RGL4: variants seen among roughly 807,000 people sequenced by gnomAD.
The protein encoded by RGL4 is ral guanine nucleotide dissociation stimulator like 4, also known as ral-GDS-related protein.
A neutral mutation model predicts 49.6 loss-of-function variants in RGL4; 41 were observed. The ratio of observed to expected loss-of-function variants is 0.83; its 90% confidence interval spans 0.64 to 1.07. The LOEUF (loss-of-function observed/expected upper bound fraction) is 1.07. Ranked by LOEUF, RGL4 falls within the 50% of genes least tolerant of loss-of-function variation. The probability of loss-of-function intolerance (pLI) is 0.00; values close to 1 mark genes in which losing one functional copy is unlikely to be tolerated. For synonymous variants in RGL4, 255 were observed against 238.0 expected, an observed-to-expected ratio of 1.07 and a Z score of -0.66; for missense variants, 610 against 591.9, an observed-to-expected ratio of 1.03 and a Z score of -0.32.
Position 23,692,441 on chromosome 22 carries a change from T to TCCTGG in RGL4, c.292_296dup (p.Gly101AspfsTer12). 6.2e-7 allele frequency: 1 copy of TCCTGG among 1,614,188 alleles called. No homozygotes were observed. ...GATAAAGCTGGCCTTCAGGAACCTC[T>TCCTGG]CCTGGCCTGGACTGGGCTTGGAGGA... is the stretch of plus-strand genomic sequence containing the variant. On this transcript the variant is annotated frameshift_variant, in exon 2 of 11. Coordinates refer to ENST00000290691, the MANE Select transcript of RGL4 (RefSeq NM_153615.2). LOFTEE classifies it high-confidence loss of function.
chr22:23,695,879 A>G (rs1424711126), intron 6 of RGL4, among the ~76,000 whole-genome samples: 1 of 152,176 alleles, frequency 6.6e-6, no homozygotes, highest in African/African-American at 2.4e-5. Context: ...CAGTGGAGAA[A>G]GAGAGAGTTC....
At chr22:23,698,180 G>A (rs374372602) in intron 9 of RGL4, 32 bp from the exon 10 acceptor site, 197 of 1,587,776 alleles carry the variant, frequency 1.2e-4, no homozygotes, top group Non-Finnish European at 1.6e-4. Context: ...CTTCCACCCA[G>A]GCCCTGTCAG....
Position 23,692,689 on chromosome 22 carries a change from C to T in RGL4, c.394C>T (p.Gln132Ter), listed in dbSNP as rs777006078. The T allele has an allele frequency of 3.7e-6, 6 of 1,607,414 alleles. No homozygotes were observed. In the South Asian group the frequency reaches 6.6e-5, roughly 18 times the overall value. The change falls in exon 3 of 11, where the codon CAA becomes TAA. Residue 132 changes from glutamine (Q) to a stop codon, truncating the protein, a stop_gained. Transcript: ENST00000290691. LOFTEE classifies it high-confidence loss of function. ...KPDDPAPRPG[Q>*]HALTMPALEP... ...TCCAGATCCTGCTCCACGTCCTGGG[C>T]AACACGCATTAACAATGCCGGCCCT... is the stretch of plus-strand genomic sequence containing the variant.
Position 23,692,747 on chromosome 22 carries a change from G to A in RGL4, c.452G>A (p.Gly151Glu), listed in dbSNP as rs1280439511. 6 of 1,613,354 alleles carry A rather than the reference G, an allele frequency of 3.7e-6. No individual in the cohort carries two copies. In the South Asian group the frequency reaches 6.6e-5, roughly 18 times the overall value. Residue 151 changes from glycine to glutamate, a missense_variant, in exon 3 of 11, where the codon GGG (glycine) becomes GAG (glutamate). By Grantham distance (98) the Gly-to-Glu change is moderately conservative (BLOSUM62 -2). Coordinates refer to ENST00000290691, the MANE Select transcript of RGL4 (RefSeq NM_153615.2). ...GCACCACCACTGCTGGCGGACCTGG[G>A]GCCTGCTCTGGAGCCAGAGTCACCT... ...EPAPPLLADL[G>E]PALEPESPAA...
chr22:23,693,143 C>T (rs1414974675), intron 3 of RGL4, 152 bp downstream of exon 3: 2 of 1,344,114 alleles, frequency 1.5e-6, no homozygotes, highest in Non-Finnish European at 2.0e-6. Flanking sequence ...ACAAGCCTTC[C>T]CTGTCTGCAT....
At chr22:23,698,091 G>A (rs1353054875) in intron 9 of RGL4, 121 bp from the exon 10 acceptor site, 1 of 1,344,254 alleles carries the variant, frequency 7.4e-7, no homozygotes, top group Non-Finnish European at 1.0e-6. Context: ...ACAGGCTGGG[G>A]GCGCTGCATG....
Position 23,693,223 on chromosome 22 carries a change from G to C in RGL4, c.696+232G>C. On this transcript the variant is annotated intron_variant, in intron 3 of 10. Transcript: ENST00000290691. ...TGACTGTGCAGACTGAGTGACAGGAGATGGACAGAAAGCAGGGCAGGGCAG... is the reference window on the plus strand; with the variant it reads ...TGACTGTGCAGACTGAGTGACAGGACATGGACAGAAAGCAGGGCAGGGCAG... 6.7e-6 allele frequency: 5 copies of C among 748,570 alleles called. No homozygotes were observed. In the East Asian group the frequency reaches 1.4e-4, roughly 21 times the overall value. 46.4% of individuals were successfully genotyped at this position (748,570 alleles called of 1,614,324 possible). A position where few individuals can be genotyped will look rare whatever the true frequency, so the allele number is the denominator to read the frequency against.
At position 23,692,703 on chromosome 22, in the gene RGL4, A is replaced by C; in HGVS notation, c.408A>C (p.Thr136=). The C allele has an allele frequency of 1.2e-6, 2 of 1,611,138 alleles. No individual in the cohort carries two copies. Among genetic ancestry groups the C allele is most frequent in the Non-Finnish European group, 1.7e-6 (2 of 1,178,646 alleles). Reference sequence around the variant, plus strand: ...CACGTCCTGGGCAACACGCATTAACAATGCCGGCCCTGGAGCCAGCACCAC... The same window carrying C: ...CACGTCCTGGGCAACACGCATTAACCATGCCGGCCCTGGAGCCAGCACCAC... ...PAPRPGQHAL[T]MPALEPAPPL... Residue 136 remains threonine, a synonymous_variant, in exon 3 of 11, where the codon ACA becomes ACC. Coordinates refer to ENST00000290691, the MANE Select transcript of RGL4 (RefSeq NM_153615.2).
rs1449459738 is a variant in RGL4 at position 23,691,137 on chromosome 22, A to G, written c.-894A>G. 2 of 152,170 alleles carry G rather than the reference A, an allele frequency of 1.3e-5. No homozygotes were observed. Among genetic ancestry groups the G allele is most frequent in the Non-Finnish European group, 2.9e-5 (2 of 68,038 alleles). The allele number at this position is 152,170 out of a possible 1,614,324, so 9.4% of individuals were successfully genotyped here. A position where few individuals can be genotyped will look rare whatever the true frequency, so the allele number is the denominator to read the frequency against. ...CAAACAAAGGGGTCCCTAGAGCCTA[A>G]AACTCTGGAAAATCTGCTGGGGGTG... On this transcript the variant is annotated 5_prime_UTR_variant, in exon 1 of 11. Coordinates refer to ENST00000290691, the MANE Select transcript of RGL4 (RefSeq NM_153615.2).
chr22:23,696,409 A>G, intron 6 of RGL4: 1 of 1,521,130 alleles, frequency 6.6e-7, no homozygotes. Flanking sequence ...GGTTTGCATC[A>G]CTCTTTACAG....
At chr22:23,694,198 G>A (rs964485347) in intron 4 of RGL4, 149 bp from the exon 5 acceptor site, 10 of 728,746 alleles carry the variant, frequency 1.4e-5, no homozygotes, top group East Asian at 1.3e-4. Context: ...CCTCCTAGAT[G>A]AGTGACATCC....
chr22:23,692,836 G>C lies in RGL4; in HGVS notation c.541G>C (p.Gly181Arg), dbSNP rs923087044. The change falls in exon 3 of 11, where the codon GGG becomes CGG. Residue 181 changes from glycine (G) to arginine (R), a missense_variant. Gly to Arg is a moderately radical substitution (Grantham distance 125). Transcript: ENST00000290691. ...AGGGCCAGCACCAGCACCAGGGGAA[G>C]GGCCCCCTCCAGGGACAGTGCTGGA... is the stretch of plus-strand genomic sequence containing the variant. The part of the protein sequence containing the change: ...APGPAPAPGE[G>R]PPPGTVLEPQ... The C allele has an allele frequency of 6.2e-7, 1 of 1,613,538 alleles. No individual in the cohort carries two copies. The highest frequency in any genetic ancestry group is 1.3e-5 in the African/African-American group (1 of 74,934).
chr22:23,697,196 T>G lies in RGL4; in HGVS notation c.1187T>G (p.Phe396Cys). The change falls in exon 8 of 11, where the codon TTT (phenylalanine) becomes TGT (cysteine). Residue 396 changes from phenylalanine (F) to cysteine (C), a missense_variant. Physicochemically the swap from Phe to Cys is radical, Grantham distance 205. Coordinates refer to ENST00000290691, the MANE Select transcript of RGL4 (RefSeq NM_153615.2). ...GGTGTGGTCCCCTTCCTGGGGGATTTTCTGACTGAGTTACAGAGGCTGGAT... is the reference window on the plus strand; with the variant it reads ...GGTGTGGTCCCCTTCCTGGGGGATTGTCTGACTGAGTTACAGAGGCTGGAT... ...KKGVVPFLGD[F>C]LTELQRLDSA... 2 of 1,613,476 alleles carry G rather than the reference T, an allele frequency of 1.2e-6. No individual in the cohort carries two copies. Among genetic ancestry groups the G allele is most frequent in the Non-Finnish European group, 1.7e-6 (2 of 1,179,632 alleles).
chr22:23,698,107 C>T (rs1923630430), intron 9 of RGL4, 105 bp from the exon 10 acceptor site: 4 of 1,456,610 alleles, frequency 2.7e-6, no homozygotes, highest in Admixed American at 2.1e-5. Flanking sequence ...GCATGGGACC[C>T]CTTCAGAAAA....
At chr22:23,696,506 G>A in intron 6 of RGL4, 108 bp from the exon 7 acceptor site, 1 of 1,578,998 alleles carries the variant, frequency 6.3e-7, no homozygotes, top group Admixed American at 1.8e-5. Context: ...TATGAGCACG[G>A]TGCCAGGTGG....
rs1923202181 is a variant in RGL4, at chr22:23,692,491, G to C, written c.336G>C (p.Gln112His). 7 of 1,614,156 alleles carry C rather than the reference G, an allele frequency of 4.3e-6. No individual in the cohort carries two copies. Among genetic ancestry groups the C allele is most frequent in the Non-Finnish European group, 5.9e-6 (7 of 1,180,004 alleles). Residue 112 changes from glutamine to histidine, a missense_variant, in exon 2 of 11, where the codon CAG (glutamine) becomes CAC (histidine). Gln to His is a conservative substitution (Grantham distance 24, BLOSUM62 0). Transcript: ENST00000290691. ...LEDHQEIVLG[Q>H]LVLPEPNEAK... ...ACCATCAGGAAATTGTCCTAGGCCA[G>C]TTGGTGCTTCCGGAGCCCAACGAGG...
intron 10 of RGL4, 197 bp from the exon 11 acceptor site, chr22:23,698,647 T>A: frequency 2.6e-6 from 2 of 762,524 alleles, no homozygotes; most frequent in Admixed American, 2.1e-5. Context: ...ACGTTACAGG[T>A]GTGAGCCACC....
chr22:23,694,494 G>A, intron 5 of RGL4, 44 bp downstream of exon 5: 1 of 1,326,710 alleles, frequency 7.5e-7, no homozygotes, highest in Non-Finnish European at 1.1e-6. Context: ...TTGACCTAGG[G>A]ACTCACAGGT....
At position 23,692,716 on chromosome 22, in the gene RGL4, G is replaced by A; in HGVS notation, c.421G>A (p.Glu141Lys). The change falls in exon 3 of 11, where the codon GAG becomes AAG. Residue 141 changes from glutamate to lysine, a missense_variant. Transcript: ENST00000290691. The stretch of plus-strand genomic sequence containing the variant: ...ACACGCATTAACAATGCCGGCCCTG[G>A]AGCCAGCACCACCACTGCTGGCGGA... The part of the protein sequence containing the change: ...GQHALTMPAL[E>K]PAPPLLADLG... The A allele has an allele frequency of 6.2e-7, 1 of 1,612,668 alleles. No homozygotes were observed. The highest frequency in any genetic ancestry group is 1.1e-5 in the South Asian group (1 of 91,050).
Sources: allele counts gnomAD v4.1 joint callset (sites outside exome capture counted in the v4.1 genomes callset), GRCh38; gene constraint gnomAD v4.1.1; transcripts MANE v1.5; gene names NCBI Gene and HGNC (gene_info 2026-07-23, HGNC 2026-07-21).